Variants in FAM78A observed in about 807,000 individuals in gnomAD.
The protein encoded by FAM78A is protein FAM78A.
Under a neutral mutation model 22.6 loss-of-function variants are expected in FAM78A, and 12 were observed. The ratio of observed to expected loss-of-function variants is 0.53; its 90% CI spans 0.34 to 0.86. The LOEUF is 0.86. Ranked by LOEUF, FAM78A falls within the 40% of genes least tolerant of loss-of-function variation. The pLI, the probability that FAM78A is intolerant of heterozygous loss-of-function variation, is 0.02. For missense variants in FAM78A, 322 were observed against 396.1 expected, an observed-to-expected ratio of 0.81 and a Z score of 1.59; for synonymous variants, 151 against 155.8, an observed-to-expected ratio of 0.97 and a Z score of 0.23.
At chr9:131,268,247 AC>A (rs922343206) in intron 1 of FAM78A, among the ~76,000 whole-genome samples, 3 of 152,174 alleles carry the variant, frequency 2.0e-5, no homozygotes, top group Non-Finnish European at 4.4e-5. Flanking sequence ...TAAAAGCTTT[AC>A]AATTTTACAG....
rs951627444 is a variant in FAM78A at position 131,275,744 on chromosome 9, C to T, written c.323+113G>A. 5.9e-6 allele frequency: 7 copies of T among 1,188,204 alleles called. No homozygotes were observed. The highest frequency in any genetic ancestry group is 4.6e-5 in the African/African-American group (3 of 64,584). 73.6% of individuals were successfully genotyped at this position (1,188,204 alleles called of 1,614,324 possible). A position where few individuals can be genotyped will look rare whatever the true frequency, so the allele number is the denominator to read the frequency against. On this transcript the variant is annotated intron_variant, in intron 1 of 1. Transcript: ENST00000372271. This position sits in a 1 kb window ranked among gnomAD's most constrained non-coding sequence, Gnocchi z 4.6. ...TACCTGCCTAAAGCTTCCCTCTGGC[C>T]TCCGTCCTGTCTTCATGGTATCTCC...
intron 1 of FAM78A, among the ~76,000 whole-genome samples, chr9:131,268,750 G>A (rs952703801): frequency 6.6e-5 from 10 of 151,954 alleles, no homozygotes; most frequent in Non-Finnish European, 1.0e-4. Context: ...AAAATTAGCC[G>A]GGCATGGTGG....
In FAM78A at chr9:131,275,788, G is replaced by C. The variant is rs1835475199; in HGVS notation, c.323+69C>G. 1.4e-6 allele frequency: 2 copies of C among 1,473,582 alleles called. No homozygotes were observed. The highest frequency in any genetic ancestry group is 2.3e-5 in the East Asian group (1 of 43,190). 91.3% of individuals were successfully genotyped at this position (1,473,582 alleles called of 1,614,324 possible). On this transcript the variant is annotated intron_variant, in intron 1 of 1. Coordinates refer to ENST00000372271, the MANE Select transcript of FAM78A (RefSeq NM_033387.4). This position sits in a 1 kb window ranked among gnomAD's most constrained non-coding sequence, Gnocchi z 4.6. The stretch of plus-strand genomic sequence containing the variant: ...TATCTCCACCTTCCCCCTATCCGCG[G>C]CCCCCCACCAGGCCTCCAAGCTCGG...
At position 131,261,083 on chromosome 9, in the gene FAM78A, G is replaced by A. The variant is rs1471445767; in HGVS notation, c.591C>T (p.Asn197=). Residue 197 remains asparagine (N), a synonymous_variant, in exon 2 of 2, where the codon AAC becomes AAT. Coordinates refer to ENST00000372271, the MANE Select transcript of FAM78A (RefSeq NM_033387.4). This position sits in a 1 kb window ranked among gnomAD's most constrained non-coding sequence, Gnocchi z 7.1. The stretch of plus-strand genomic sequence containing the variant: ...GGATGATCATGTCGTTGGTGGAGGT[G>A]TTGGTGGCCACCAGCCAGGTGGTGA... ...QSFTTWLVAT[N]TSTNDMIILQ... 1 of 1,614,210 alleles carries A rather than the reference G, an allele frequency of 6.2e-7. No homozygotes were observed. Among genetic ancestry groups the A allele is most frequent in the Middle Eastern group, 1.6e-4 (1 of 6,062 alleles).
Position 131,275,971 on chromosome 9 carries a change from C to T in FAM78A, c.209G>A (p.Arg70Gln). Residue 70 changes from arginine (R) to glutamine (Q), a missense_variant, in exon 1 of 2, where the codon CGG becomes CAG. By Grantham distance (43) the Arg-to-Gln change is conservative. Transcript: ENST00000372271. This position sits in a 1 kb window ranked among gnomAD's most constrained non-coding sequence, Gnocchi z 4.6. ...CGGCATGACCACCTGGGCCGAGGCC[C>T]GGAAGTGGGGTGTCCGGTAGCGGAG... is the stretch of plus-strand genomic sequence containing the variant. The part of the protein sequence containing the change: ...VVLRYRTPHF[R>Q]ASAQVVMPPI... 3.7e-6 allele frequency: 6 copies of T among 1,613,566 alleles called. No homozygotes were observed. Among genetic ancestry groups the T allele is most frequent in the Non-Finnish European group, 5.1e-6 (6 of 1,180,022 alleles).
At chr9:131,264,503 C>T in intron 1 of FAM78A, 1 of 698,934 alleles carries the variant, frequency 1.4e-6, no homozygotes, top group Non-Finnish European at 2.7e-6. Context: ...CTGAGCTCTA[C>T]CAGCTCTTCA....
chr9:131,278,621 T>C (rs553469958), upstream of FAM78A, among the ~76,000 whole-genome samples: 43 of 152,286 alleles, frequency 2.8e-4, no homozygotes, highest in African/African-American at 1.0e-3. Flanking sequence ...GCTGAGAGGC[T>C]AGGGGATTTG....
upstream of FAM78A, among the ~76,000 whole-genome samples, chr9:131,280,655 C>A (rs187260486): frequency 4.6e-5 from 7 of 152,304 alleles, no homozygotes; most frequent in Non-Finnish European, 8.8e-5. Context: ...GTCCTCAATT[C>A]CTGGCACATT....
At chr9:131,278,155 C>G (rs990949001), upstream of FAM78A, among the ~76,000 whole-genome samples, 3 of 152,056 alleles carry the variant, frequency 2.0e-5, no homozygotes, top group South Asian at 6.2e-4. Context: ...CTCGCTCCCC[C>G]TCGCTCCCTG....
intron 1 of FAM78A, among the ~76,000 whole-genome samples, chr9:131,269,079 C>G (rs1289102102): frequency 7.9e-6 from 1 of 126,880 alleles, no homozygotes; most frequent in Non-Finnish European, 1.6e-5. Flanking sequence ...CCAGCCTGGG[C>G]GACAAGAACA....
intron 1 of FAM78A, among the ~76,000 whole-genome samples, chr9:131,270,037 T>TAAAA (rs1008374603): frequency 2.0e-4 from 17 of 85,620 alleles, no homozygotes; most frequent in South Asian, 4.5e-4. Context: ...CCTACTAAAA[T>TAAAA]AAAAAAAAAA....
intron 1 of FAM78A, among the ~76,000 whole-genome samples, chr9:131,262,327 A>C (rs905810793): frequency 8.6e-5 from 13 of 151,188 alleles, no homozygotes; most frequent in Non-Finnish European, 1.3e-4. Flanking sequence ...AAAAAAAAAA[A>C]ATTAGCGGGG....
At chr9:131,268,324 G>T (rs561005796) in intron 1 of FAM78A, among the ~76,000 whole-genome samples, 1 of 124,722 alleles carries the variant, frequency 8.0e-6, no homozygotes, top group Non-Finnish European at 1.7e-5. Flanking sequence ...CATCCCCCCC[G>T]CACTGCCGCC....
At chr9:131,277,099 C>T (rs1835496724), upstream of FAM78A, among the ~76,000 whole-genome samples, 1 of 150,786 alleles carries the variant, frequency 6.6e-6, no homozygotes, top group Non-Finnish European at 1.5e-5. The surrounding 1 kb of genome is among the most constrained non-coding windows in gnomAD (Gnocchi z 8.4). Flanking sequence ...GAGGCGGTGG[C>T]CCCCGCCCCC....
In FAM78A at chr9:131,261,894, C is replaced by T. The variant is rs1295021936; in HGVS notation, c.324-544G>A. Among the ~76,000 whole-genome samples, 1 of 152,170 alleles carries T rather than the reference C, an allele frequency of 6.6e-6. No individual in the cohort carries two copies. Among genetic ancestry groups the T allele is most frequent in the Non-Finnish European group, 1.5e-5 (1 of 68,040 alleles). ...GCCCACTGCGCCTTCTGCTCACCTA[C>T]GTGCACAGCGGGTACTCCCAGGAAC... On this transcript the variant is annotated intron_variant, in intron 1 of 1. Coordinates refer to ENST00000372271, the MANE Select transcript of FAM78A (RefSeq NM_033387.4). The surrounding 1 kb of genome is among the most constrained non-coding windows in gnomAD (Gnocchi z 7.1).
At chr9:131,270,059 A>G (rs982698584) in intron 1 of FAM78A, among the ~76,000 whole-genome samples, 2 of 150,144 alleles carry the variant, frequency 1.3e-5, no homozygotes, top group Non-Finnish European at 3.0e-5. Context: ...AAAAAAAAAA[A>G]GCCAGGTGTG....
In FAM78A at chr9:131,265,964, C is replaced by G. The variant is rs565568828; in HGVS notation, c.324-4614G>C. ...CTCCCGCAGCGTCCCTGTCCTGAGT[C>G]CCATCATCACCCACCCAACAAACAT... is the stretch of plus-strand genomic sequence containing the variant. On this transcript the variant is annotated intron_variant, in intron 1 of 1. Transcript: ENST00000372271. This position sits in a 1 kb window ranked among gnomAD's most constrained non-coding sequence, Gnocchi z 4.3. Among the ~76,000 whole-genome samples the G allele has an allele frequency of 3.3e-5, 5 of 152,186 alleles. No individual in the cohort carries two copies. The highest frequency in any genetic ancestry group is 7.4e-5 in the Non-Finnish European group (5 of 68,022).
chr9:131,280,136 A>G (rs1835527991), upstream of FAM78A, among the ~76,000 whole-genome samples: 1 of 152,214 alleles, frequency 6.6e-6, no homozygotes, highest in African/African-American at 2.4e-5. Context: ...GCATCAGTCC[A>G]TGGGCCTGTT....
chr9:131,259,127 G>A lies in FAM78A; in HGVS notation c.*1695C>T, dbSNP rs1389772404. The A allele has an allele frequency of 6.5e-6, 1 of 152,700 alleles. No individual in the cohort carries two copies. The highest frequency in any genetic ancestry group is 6.5e-5 in the Admixed American group (1 of 15,282). 9.5% of individuals were successfully genotyped at this position (152,700 alleles called of 1,614,324 possible). ...AAATGGATTATTTTTCTAAATGGAC[G>A]GTTTTCTGTGCTTGATAATTATTAG... On this transcript the variant is annotated 3_prime_UTR_variant, in exon 2 of 2. Coordinates refer to ENST00000372271, the MANE Select transcript of FAM78A (RefSeq NM_033387.4).
Sources: allele counts gnomAD v4.1 joint callset (sites outside exome capture counted in the v4.1 genomes callset), GRCh38; gene constraint gnomAD v4.1.1; non-coding constraint Gnocchi (gnomAD v3.1); transcripts MANE v1.5; gene names NCBI Gene and HGNC (gene_info 2026-07-23, HGNC 2026-07-21).